The following TNS1 variants were observed in gnomAD, a reference collection of about 807,000 sequenced individuals.
The protein encoded by TNS1 is tensin-1.
A neutral mutation model predicts 168.6 loss-of-function variants in TNS1; 62 were observed. The ratio of observed to expected loss-of-function variants is 0.37; its 90% CI spans 0.30 to 0.45. TNS1 has a LOEUF of 0.45. Ranked by LOEUF, TNS1 falls within the 20% of genes least tolerant of loss-of-function variation. TNS1 has a pLI of 1.00. For synonymous variants in TNS1, 934 were observed against 933.2 expected, an observed-to-expected ratio of 1.00 and a Z score of -0.02; for missense variants, 2,240 against 2,339.4, an observed-to-expected ratio of 0.96 and a Z score of 0.88.
chr2:217,919,092 G>C (rs1411885554), intron 4 of TNS1, among the ~76,000 whole-genome samples: 2 of 152,218 alleles, frequency 1.3e-5, no homozygotes, highest in East Asian at 1.9e-4. Flanking sequence ...CCCTGAATAG[G>C]GAGGGAGGGA....
intron 2 of TNS1, among the ~76,000 whole-genome samples, chr2:217,981,993 T>G (rs1375172305): frequency 6.6e-6 from 1 of 152,214 alleles, no homozygotes; most frequent in African/African-American, 2.4e-5. Flanking sequence ...TAGGGCTGAT[T>G]TATGTAATCA....
At chr2:217,825,916 T>G (rs1382288858) in intron 22 of TNS1, among the ~76,000 whole-genome samples, 1 of 152,202 alleles carries the variant, frequency 6.6e-6, no homozygotes, top group Non-Finnish European at 1.5e-5. Flanking sequence ...ACTGGGAGTC[T>G]GAACTTGGGG....
At chr2:217,873,324 T>C (rs1402654396) in intron 18 of TNS1, among the ~76,000 whole-genome samples, 3 of 152,156 alleles carry the variant, frequency 2.0e-5, no homozygotes, top group African/African-American at 4.8e-5. Context: ...TGGAAGATTG[T>C]AAGAGGAATT....
At chr2:217,929,104 C>T (rs549198049) in intron 3 of TNS1, among the ~76,000 whole-genome samples, 2 of 148,676 alleles carry the variant, frequency 1.3e-5, no homozygotes, top group East Asian at 3.9e-4. Flanking sequence ...GGGGGACCAG[C>T]AGGCCAAGCT....
chr2:218,012,364 G>C (rs781380444), upstream of TNS1, among the ~76,000 whole-genome samples: 4 of 152,254 alleles, frequency 2.6e-5, no homozygotes, highest in East Asian at 7.7e-4. Context: ...CTCAGCACTT[G>C]GGCATGAGAG....
chr2:217,995,124 A>G lies in TNS1; in HGVS notation c.34-4068T>C, dbSNP rs950153925. 4.1e-4 allele frequency among the ~76,000 whole-genome samples: 63 copies of G among 152,326 alleles called. No individual in the cohort carries two copies. The highest frequency in any genetic ancestry group is 1.4e-3 in the Admixed American group (21 of 15,304). ...TGAATGAGGAGACATCACTCCTCCA[A>G]GGAGGAGGCTGTGAAACTCTGGTAG... On this transcript the variant is annotated intron_variant, in intron 1 of 32. Coordinates refer to ENST00000682258, the MANE Select transcript of TNS1 (RefSeq NM_001387777.1). The surrounding 1 kb of genome is among the most constrained non-coding windows in gnomAD (Gnocchi z 4.1).
Position 217,986,180 on chromosome 2 carries a change from C to T in TNS1, c.148+4762G>A, listed in dbSNP as rs2126070932. On this transcript the variant is annotated intron_variant, in intron 2 of 32. Transcript: ENST00000682258. This position sits in a 1 kb window ranked among gnomAD's most constrained non-coding sequence, Gnocchi z 4.7. Reference sequence around the variant, plus strand: ...AGGGTCTTCCCACCCTACCAGGCTACCTCTGGTGGCTCCAAGGAGGCCCTC... The same window carrying T: ...AGGGTCTTCCCACCCTACCAGGCTATCTCTGGTGGCTCCAAGGAGGCCCTC... Among the ~76,000 whole-genome samples the T allele has an allele frequency of 6.6e-6, 1 of 152,306 alleles. No individual in the cohort carries two copies. Among genetic ancestry groups the T allele is most frequent in the South Asian group, 2.1e-4 (1 of 4,828 alleles).
At position 217,849,071 on chromosome 2, in the gene TNS1, C is replaced by A. The variant is rs369926575; in HGVS notation, c.1446G>T (p.Thr482=). The change falls in exon 19 of 33, where the codon ACG becomes ACT. Residue 482 remains threonine, a synonymous_variant. Coordinates refer to ENST00000682258, the MANE Select transcript of TNS1 (RefSeq NM_001387777.1). The part of the protein sequence containing the change: ...DDGMEEVVGH[T]QGPLDGSLYA... ...ACAGGCTCCCATCTAGTGGCCCCTG[C>A]GTGTGTCCCACCACCTCTGCAAGGG... 3.1e-6 allele frequency: 5 copies of A among 1,611,248 alleles called. No homozygotes were observed. The African/African-American group carries it at 5.3e-5, about 17-fold the overall frequency.
At chr2:217,851,319 G>A (rs546586121) in intron 18 of TNS1, among the ~76,000 whole-genome samples, 38 of 151,986 alleles carry the variant, frequency 2.5e-4, no homozygotes, top group Non-Finnish European at 5.6e-4. Context: ...AAAAACAAGT[G>A]ATCAGACAAC....
At chr2:217,984,990 C>A (rs1393543398) in intron 2 of TNS1, among the ~76,000 whole-genome samples, 3 of 151,944 alleles carry the variant, frequency 2.0e-5, no homozygotes, top group Non-Finnish European at 4.4e-5. Flanking sequence ...AACTCCTGAC[C>A]TCATGATCTG....
intron 18 of TNS1, among the ~76,000 whole-genome samples, chr2:217,872,625 G>A (rs1949870235): frequency 6.6e-6 from 1 of 152,194 alleles, no homozygotes; most frequent in African/African-American, 2.4e-5. Flanking sequence ...TAGCCACTTT[G>A]GGAAACACTC....
At chr2:217,819,006 C>T (rs1942395721) in intron 23 of TNS1, among the ~76,000 whole-genome samples, 1 of 152,214 alleles carries the variant, frequency 6.6e-6, no homozygotes, top group Non-Finnish European at 1.5e-5. Flanking sequence ...TTCAACTTAG[C>T]TGTGTCTGAT....
Position 217,848,077 on chromosome 2 carries a change from G to A in TNS1, c.2440C>T (p.Pro814Ser). ...GGGAACTCAGGGAGACTGGGGATGG[G>A]GGTCTCTGCCAATGGCTGAGGGCTG... ...RPSPQPLAET[P>S]IPSLPEFPRA... The change falls in exon 19 of 33, where the codon CCC becomes TCC. Residue 814 changes from proline to serine, a missense_variant. By Grantham distance (74) the Pro-to-Ser change is moderately conservative (BLOSUM62 -1). Coordinates refer to ENST00000682258, the MANE Select transcript of TNS1 (RefSeq NM_001387777.1). The A allele has an allele frequency of 6.5e-7, 1 of 1,547,632 alleles. No homozygotes were observed. The highest frequency in any genetic ancestry group is 8.7e-7 in the Non-Finnish European group (1 of 1,146,902).
At chr2:218,019,019 G>C (rs983659873) in intron 1 of TNS1, among the ~76,000 whole-genome samples, 1 of 151,526 alleles carries the variant, frequency 6.6e-6, no homozygotes, top group Non-Finnish European at 1.5e-5. Context: ...GGAGGTTGCA[G>C]TGAGCCGAGA....
chr2:217,890,937 G>A (rs1482332262), intron 12 of TNS1, 25 bp downstream of exon 12: 17 of 1,611,100 alleles, frequency 1.1e-5, no homozygotes, highest in East Asian at 8.9e-5. Context: ...ATACATGCAA[G>A]GGGCTGTGAG....
intron 24 of TNS1, among the ~76,000 whole-genome samples, chr2:217,815,716 A>C (rs541209155): frequency 3.3e-5 from 5 of 152,246 alleles, no homozygotes; most frequent in African/African-American, 1.2e-4. Context: ...CATGGCCTAA[A>C]ACACTTGCTT....
At chr2:217,838,577 CA>C in intron 19 of TNS1, among the ~76,000 whole-genome samples, 1 of 152,374 alleles carries the variant, frequency 6.6e-6, no homozygotes, top group African/African-American at 2.4e-5. Flanking sequence ...TAAGACCCTG[CA>C]TTCCACTCCC....
rs1216313412 is a variant in TNS1, at chr2:217,849,095, G to A, written c.1430-8C>T. ...GCGTGTGTCCCACCACCTCTGCAAG[G>A]GACAGAGCCGGAGGGGAGACAACAG... On this transcript the variant is annotated splice_polypyrimidine_tract_variant and splice_region_variant and intron_variant, in intron 18 of 32. Transcript: ENST00000682258. The A allele has an allele frequency of 1.9e-6, 3 of 1,604,358 alleles. No individual in the cohort carries two copies. In the African/African-American group the frequency reaches 4.0e-5, roughly 21 times the overall value.
intron 3 of TNS1, among the ~76,000 whole-genome samples, chr2:217,961,839 C>T (rs999714084): frequency 6.6e-6 from 1 of 152,212 alleles, no homozygotes; most frequent in Non-Finnish European, 1.5e-5. Context: ...CCAAACACTA[C>T]TCCAGTCTAC....
Sources: gnomAD v4.1 joint callset for allele counts (sites outside exome capture counted in the v4.1 genomes callset) on GRCh38, gnomAD v4.1.1 for gene constraint, Gnocchi (gnomAD v3.1) non-coding constraint, MANE v1.5 for transcripts, NCBI Gene and HGNC (gene_info 2026-07-23, HGNC 2026-07-21) for gene names.